The following FERMT1 variants were observed in gnomAD, a reference collection of about 807,000 sequenced individuals.
FERMT1 encodes the protein fermitin family homolog 1.
In FERMT1, 60 loss-of-function variants were observed where a neutral mutation model predicts 85.3. The observed-to-expected ratio is 0.70, with a 90% CI of 0.57 to 0.87. The LOEUF (loss-of-function observed/expected upper bound fraction) is 0.87. Ranked by LOEUF, FERMT1 falls within the 40% of genes least tolerant of loss-of-function variation. FERMT1 has a pLI of 0.00. For missense variants in FERMT1, 701 were observed against 818.9 expected, an observed-to-expected ratio of 0.86 and a Z score of 1.76; for synonymous variants, 275 against 301.1, an observed-to-expected ratio of 0.91 and a Z score of 0.90.
intron 6 of FERMT1, 45 bp from the exon 7 acceptor site, chr20:6,097,676 A>G (rs750820102): frequency 8.0e-7 from 1 of 1,256,176 alleles, no homozygotes; most frequent in South Asian, 1.2e-5. Flanking sequence ...GTATATTTAT[A>G]TCCCACAATA....
intron 9 of FERMT1, among the ~76,000 whole-genome samples, chr20:6,092,769 C>G (rs1982402656): frequency 6.6e-6 from 1 of 152,136 alleles, no homozygotes; most frequent in Admixed American, 6.6e-5. Flanking sequence ...TCACACAGGA[C>G]TGAAAGGTTC....
intron 2 of FERMT1, 108 bp downstream of exon 2, chr20:6,119,296 C>A: frequency 8.7e-7 from 1 of 1,146,908 alleles, no homozygotes; most frequent in Middle Eastern, 2.5e-4. Context: ...GGATTGCTCT[C>A]CAGGGCATTA....
intron 8 of FERMT1, among the ~76,000 whole-genome samples, chr20:6,095,966 G>A (rs1262964398): frequency 1.3e-5 from 2 of 152,278 alleles, no homozygotes; most frequent in South Asian, 2.1e-4. Flanking sequence ...TCCCATGGCC[G>A]AAGTTAAACA....
Position 6,077,160 on chromosome 20 carries a change from A to T in FERMT1, c.*13T>A. On this transcript the variant is annotated 3_prime_UTR_variant, in exon 15 of 15. Coordinates refer to ENST00000217289, the MANE Select transcript of FERMT1 (RefSeq NM_017671.5). ...CTTGCCTTGTTGGTGTGAGCCGAGCACGCGTGCTTGTTTCAATCCTGACCG... is the reference window on the plus strand; with the variant it reads ...CTTGCCTTGTTGGTGTGAGCCGAGCTCGCGTGCTTGTTTCAATCCTGACCG... 1 of 1,613,190 alleles carries T rather than the reference A, an allele frequency of 6.2e-7. No homozygotes were observed.
At chr20:6,093,918 T>C (rs529954692) in intron 9 of FERMT1, among the ~76,000 whole-genome samples, 2 of 152,240 alleles carry the variant, frequency 1.3e-5, no homozygotes, top group South Asian at 4.1e-4. Context: ...ATCACACCAT[T>C]GCACTCTAGC....
At chr20:6,115,566 C>T (rs541780776) in intron 3 of FERMT1, among the ~76,000 whole-genome samples, 1 of 152,244 alleles carries the variant, frequency 6.6e-6, no homozygotes, top group South Asian at 2.1e-4. Flanking sequence ...TTTATCTTGT[C>T]TATTAACAAA....
chr20:6,121,979 A>T (rs1040257856), intron 1 of FERMT1, among the ~76,000 whole-genome samples: 3 of 152,226 alleles, frequency 2.0e-5, no homozygotes, highest in Non-Finnish European at 4.4e-5. Flanking sequence ...AGATCCTTAC[A>T]ATTTCTTAAA....
intron 9 of FERMT1, among the ~76,000 whole-genome samples, chr20:6,090,543 C>T (rs573502420): frequency 8.1e-4 from 122 of 151,162 alleles, no homozygotes; most frequent in African/African-American, 3.0e-3. Context: ...TTGCCTGAGG[C>T]CAGGAGTTTA....
At chr20:6,108,204 G>A (rs186123177) in intron 5 of FERMT1, among the ~76,000 whole-genome samples, 1,602 of 151,842 alleles carry the variant, frequency 0.011, 13 homozygotes, top group Non-Finnish European at 0.016. Context: ...TTGGATTAGG[G>A]ATGCTCAACT....
Position 6,077,241 on chromosome 20 carries a change from G to A in FERMT1, c.1966C>T (p.Arg656Cys), listed in dbSNP as rs372047057. 3 of 1,614,160 alleles carry A rather than the reference G, an allele frequency of 1.9e-6. No homozygotes were observed. The highest frequency in any genetic ancestry group is 1.7e-6 in the Non-Finnish European group (2 of 1,180,026). ...AGTGTTTCATTCTGGTCCTTGGAGCGGGTGGACAAGAAAATGTAGCCGCCA... is the reference window on the plus strand; with the variant it reads ...AGTGTTTCATTCTGGTCCTTGGAGCAGGTGGACAAGAAAATGTAGCCGCCA... ...YIGGYIFLST[R>C]SKDQNETLDE... Residue 656 changes from arginine to cysteine, a missense_variant, in exon 15 of 15, where the codon CGC becomes TGC. Transcript: ENST00000217289.
At chr20:6,087,592 T>A (rs760662471) in intron 11 of FERMT1, 185 bp downstream of exon 11, 25 of 622,442 alleles carry the variant, frequency 4.0e-5, no homozygotes, top group Non-Finnish European at 7.5e-5. Flanking sequence ...ATTACAGGTG[T>A]GAGCCACTGC....
At position 6,107,531 on chromosome 20, in the gene FERMT1, C is replaced by A; in HGVS notation, c.849+1G>T. On this transcript the variant is annotated splice_donor_variant, in intron 6 of 14. Transcript: ENST00000217289. LOFTEE classifies it high-confidence loss of function. ...AAGACAAAAGAGAAAAAGTTGCTTA[C>A]TTTAGGATTCAAGTCGAAGAAAGAA... 6.3e-7 allele frequency: 1 copy of A among 1,592,692 alleles called. No individual in the cohort carries two copies. Among genetic ancestry groups the A allele is most frequent in the Non-Finnish European group, 8.6e-7 (1 of 1,161,498 alleles).
At position 6,085,158 on chromosome 20, in the gene FERMT1, C is replaced by T. The variant is rs1220426276; in HGVS notation, c.1501G>A (p.Ala501Thr). 3.7e-6 allele frequency: 6 copies of T among 1,614,178 alleles called. No individual in the cohort carries two copies. The highest frequency in any genetic ancestry group is 2.2e-5 in the East Asian group (1 of 44,884). ...SFLRMKNRNS[A>T]SQVASSLENM... is the part of the protein sequence containing the mutation. ...TCGAGACTGGAAGCCACCTGAGATG[C>T]AGAGTTCCTGTTTTTCATCCTCAGA... The change falls in exon 12 of 15, where the codon GCA becomes ACA. Residue 501 changes from alanine (A) to threonine (T), a missense_variant. Coordinates refer to ENST00000217289, the MANE Select transcript of FERMT1 (RefSeq NM_017671.5).
chr20:6,101,033 T>C (rs1276327609), intron 6 of FERMT1, among the ~76,000 whole-genome samples: 2 of 152,210 alleles, frequency 1.3e-5, no homozygotes, highest in African/African-American at 4.8e-5. Context: ...TTGGAAAAGA[T>C]GCTCAATCTC....
intron 9 of FERMT1, among the ~76,000 whole-genome samples, chr20:6,091,057 G>A (rs1284910953): frequency 2.0e-5 from 3 of 151,120 alleles, no homozygotes; most frequent in Non-Finnish European, 2.9e-5. Context: ...CCAGCTACCC[G>A]GAGGCTGAGG....
chr20:6,084,167 G>A lies in FERMT1; in HGVS notation c.1594-3C>T, dbSNP rs570770423. 6.8e-6 allele frequency: 11 copies of A among 1,609,468 alleles called. No homozygotes were observed. In the African/African-American group the frequency reaches 8.0e-5, roughly 12 times the overall value. On this transcript the variant is annotated splice_region_variant and splice_polypyrimidine_tract_variant and intron_variant, in intron 12 of 14. Coordinates refer to ENST00000217289, the MANE Select transcript of FERMT1 (RefSeq NM_017671.5). ...GCCTCCAGGATCCGGGCGGCCAGCT[G>A]AACAGAAACAGACATCAACCTCTCT...
At chr20:6,122,139 A>G (rs192182527) in intron 1 of FERMT1, among the ~76,000 whole-genome samples, 8 of 152,314 alleles carry the variant, frequency 5.3e-5, no homozygotes, top group African/African-American at 9.6e-5. Flanking sequence ...CATTCAGGCA[A>G]TAGATGCTGA....
intron 6 of FERMT1, among the ~76,000 whole-genome samples, chr20:6,103,939 C>T (rs991073111): frequency 1.3e-5 from 2 of 151,892 alleles, no homozygotes; most frequent in Non-Finnish European, 2.9e-5. Flanking sequence ...AGCATGATCT[C>T]GGCTCACTGC....
In FERMT1 at chr20:6,075,296, A is replaced by C. The variant is rs1847641808; in HGVS notation, c.*1877T>G. 6.6e-6 allele frequency: 1 copy of C among 152,352 alleles called. No individual in the cohort carries two copies. Among genetic ancestry groups the C allele is most frequent in the South Asian group, 2.1e-4 (1 of 4,832 alleles). 9.4% of individuals were successfully genotyped at this position (152,352 alleles called of 1,614,324 possible). On this transcript the variant is annotated 3_prime_UTR_variant, in exon 15 of 15. Transcript: ENST00000217289. Reference sequence around the variant, plus strand: ...CAGGTAAAATCTGACATCGAGAAGCATTATTTTAATGTAGGACCAGTTATA... The same window carrying C: ...CAGGTAAAATCTGACATCGAGAAGCCTTATTTTAATGTAGGACCAGTTATA...
Sources: gnomAD v4.1 joint callset for allele counts (sites outside exome capture counted in the v4.1 genomes callset) on GRCh38, gnomAD v4.1.1 for gene constraint, MANE v1.5 for transcripts, NCBI Gene and HGNC (gene_info 2026-07-23, HGNC 2026-07-21) for gene names.